SIDT2: variants seen among roughly 807,000 people sequenced by gnomAD.
The protein encoded by SIDT2 is SID1 transmembrane family, member 2.
A neutral mutation model predicts 114.4 loss-of-function variants in SIDT2; 68 were observed. That is an observed-to-expected ratio of 0.59 (90% CI 0.49 to 0.73). The LOEUF is 0.73. Among genes scored for constraint, SIDT2 ranks in the 30% least tolerant of loss-of-function variants. The pLI, the probability that SIDT2 is intolerant of heterozygous loss-of-function variation, is 0.00. For synonymous variants in SIDT2, 470 were observed against 438.4 expected, an observed-to-expected ratio of 1.07 and a Z score of -0.90; for missense variants, 918 against 1,097.1, an observed-to-expected ratio of 0.84 and a Z score of 2.31.
intron 8 of SIDT2, 121 bp downstream of exon 8, chr11:117,184,260 G>T: frequency 1.1e-6 from 1 of 950,326 alleles, no homozygotes; most frequent in South Asian, 1.5e-5. Context: ...GGTGGGGTAG[G>T]AACGGGGAGT....
At chr11:117,191,766 G>A in intron 18 of SIDT2, 112 bp from the exon 19 acceptor site, 1 of 1,464,764 alleles carries the variant, frequency 6.8e-7, no homozygotes, top group Non-Finnish European at 9.2e-7. Context: ...TCACACCATG[G>A]CCGTGGTGGG....
rs374449349 is a variant in SIDT2, at chr11:117,184,081, G to A, written c.810G>A (p.Pro270=). ...LPFYPFAEDE[P]VDQGHRQKTL... is the part of the protein sequence containing the mutation. ...TTGACATTTTACTTCCAGATGAACC[G>A]GTCGATCAAGGGCACCGCCAGAAAA... Residue 270 remains proline, a synonymous_variant, in exon 8 of 26, where the codon CCG becomes CCA. Coordinates refer to ENST00000324225, the MANE Select transcript of SIDT2 (RefSeq NM_001040455.2). 4.0e-5 allele frequency: 64 copies of A among 1,614,120 alleles called. No individual in the cohort carries two copies. Among genetic ancestry groups the A allele is most frequent in the African/African-American group, 2.8e-4 (21 of 75,028 alleles).
rs200609591 is a variant in SIDT2, at chr11:117,181,814, C to T, written c.313C>T (p.Arg105Cys). The stretch of plus-strand genomic sequence containing the variant: ...CCCTGCTTCGGGCCATAGGTTTCAG[C>T]GCAAGTACCTCTACCAAAAAGTGGA... Reference protein sequence around the residue: ...VPLILRGMFQRKYLYQKVERT... With the variant: ...VPLILRGMFQCKYLYQKVERT... The change falls in exon 3 of 26, where the codon CGC (arginine) becomes TGC (cysteine). Residue 105 changes from arginine (R) to cysteine (C), a missense_variant. Arg to Cys is a radical substitution (Grantham distance 180). Coordinates refer to ENST00000324225, the MANE Select transcript of SIDT2 (RefSeq NM_001040455.2). 16 of 1,614,136 alleles carry T rather than the reference C, an allele frequency of 9.9e-6. No homozygotes were observed. The highest frequency in any genetic ancestry group is 2.7e-5 in the African/African-American group (2 of 75,018).
rs1369318180 is a variant in SIDT2, at chr11:117,192,929, G to T, written c.2105+63G>T. 6.2e-5 allele frequency: 99 copies of T among 1,599,736 alleles called. No homozygotes were observed. The highest frequency in any genetic ancestry group is 8.3e-5 in the Non-Finnish European group (97 of 1,167,178). ...CAGCTGGGGACTCGGTCAGCCACTG[G>T]CTGCCTTGGGGGCTAAGGACAACTT... On this transcript the variant is annotated intron_variant, in intron 22 of 25. Coordinates refer to ENST00000324225, the MANE Select transcript of SIDT2 (RefSeq NM_001040455.2). The surrounding 1 kb of genome is among the most constrained non-coding windows in gnomAD (Gnocchi z 5.9).
At chr11:117,187,140 A>G in intron 10 of SIDT2, 1 of 1,232,804 alleles carries the variant, frequency 8.1e-7, no homozygotes, top group Non-Finnish European at 1.1e-6. Flanking sequence ...CTGTTCTTGA[A>G]CTTTCTCTCT....
At chr11:117,189,593 A>G in intron 15 of SIDT2, 192 bp downstream of exon 15, 1 of 639,186 alleles carries the variant, frequency 1.6e-6, no homozygotes, top group Non-Finnish European at 2.7e-6. Flanking sequence ...CTTCATCTGC[A>G]AAATGGGAGC....
In SIDT2 at chr11:117,192,992, T is replaced by A; in HGVS notation, c.2105+126T>A. On this transcript the variant is annotated intron_variant, in intron 22 of 25. Coordinates refer to ENST00000324225, the MANE Select transcript of SIDT2 (RefSeq NM_001040455.2). The surrounding 1 kb of genome is among the most constrained non-coding windows in gnomAD (Gnocchi z 5.9). The stretch of plus-strand genomic sequence containing the variant: ...CATAAGACATGGGGGCTAAGAGAGA[T>A]CTTGGCCTCTCTTCTCTCTCTTGGC... 7.3e-6 allele frequency: 10 copies of A among 1,362,238 alleles called. No homozygotes were observed. The highest frequency in any genetic ancestry group is 5.3e-6 in the Non-Finnish European group (5 of 951,436). The allele number at this position is 1,362,238 out of a possible 1,614,324, so 84.4% of individuals were successfully genotyped here.
At position 117,193,344 on chromosome 11, in the gene SIDT2, G is replaced by A. The variant is rs1009330464; in HGVS notation, c.2211+86G>A. 4 of 1,162,326 alleles carry A rather than the reference G, an allele frequency of 3.4e-6. No individual in the cohort carries two copies. The African/African-American group carries it at 4.6e-5, about 13-fold the overall frequency. The allele number at this position is 1,162,326 out of a possible 1,614,324, so 72.0% of individuals were successfully genotyped here. On this transcript the variant is annotated intron_variant, in intron 23 of 25. Coordinates refer to ENST00000324225, the MANE Select transcript of SIDT2 (RefSeq NM_001040455.2). ...GCCCGGCAGCATTGAGGGGCAGTGA[G>A]AAGTTTTCTGTCCCATCTTTGCTGG...
At chr11:117,194,446 G>C (rs1206826492) in intron 24 of SIDT2, among the ~76,000 whole-genome samples, 1 of 152,224 alleles carries the variant, frequency 6.6e-6, no homozygotes, top group Non-Finnish European at 1.5e-5. Context: ...GGCTCAGAGA[G>C]GCCAAGTGAC....
Position 117,195,787 on chromosome 11 carries a change from T to G in SIDT2, c.2323-15T>G. 6.2e-7 allele frequency: 1 copy of G among 1,613,900 alleles called. No individual in the cohort carries two copies. Among genetic ancestry groups the G allele is most frequent in the Non-Finnish European group, 8.5e-7 (1 of 1,179,800 alleles). The stretch of plus-strand genomic sequence containing the variant: ...GAGCAGGGTCATTCGGCAGTTTTTC[T>G]TGTTGCTCCCCAAGAAAACCCCTGC... On this transcript the variant is annotated splice_polypyrimidine_tract_variant and intron_variant, in intron 24 of 25. Coordinates refer to ENST00000324225, the MANE Select transcript of SIDT2 (RefSeq NM_001040455.2).
intron 18 of SIDT2, chr11:117,191,292 AGGG>A (rs1363488178): frequency 3.9e-5 from 6 of 152,338 alleles, no homozygotes; most frequent in African/African-American, 1.2e-4. Context: ...AAAAAAAAGA[AGGG>A]GGCCCTGGCT....
rs910656809 is a variant in SIDT2, at chr11:117,181,272, G to T, written c.184-144G>T. On this transcript the variant is annotated intron_variant, in intron 1 of 25. Transcript: ENST00000324225. ...GAGTCTGGGGGTTGTTCTGGCAGAA[G>T]AAGAGGCAGAGATGACTCCCTGGCC... The T allele has an allele frequency of 8.7e-6, 10 of 1,151,298 alleles. No individual in the cohort carries two copies. The African/African-American group carries it at 1.4e-4, about 16-fold the overall frequency. The allele number at this position is 1,151,298 out of a possible 1,614,324, so 71.3% of individuals were successfully genotyped here.
In SIDT2 at chr11:117,190,549, G is replaced by T; in HGVS notation, c.1618-74G>T. ...CTTTTCCTCTTCCACTCCTCTTAGGGTCCCTCTTTTGGGTCCCTTCTTCCC... is the reference window on the plus strand; with the variant it reads ...CTTTTCCTCTTCCACTCCTCTTAGGTTCCCTCTTTTGGGTCCCTTCTTCCC... On this transcript the variant is annotated intron_variant, in intron 17 of 25. Coordinates refer to ENST00000324225, the MANE Select transcript of SIDT2 (RefSeq NM_001040455.2). This position sits in a 1 kb window ranked among gnomAD's most constrained non-coding sequence, Gnocchi z 4.1. 7.7e-7 allele frequency: 1 copy of T among 1,304,814 alleles called. No homozygotes were observed. The highest frequency in any genetic ancestry group is 2.5e-5 in the East Asian group (1 of 39,582). The allele number at this position is 1,304,814 out of a possible 1,614,324, so 80.8% of individuals were successfully genotyped here. A position where few individuals can be genotyped will look rare whatever the true frequency, so the allele number is the denominator to read the frequency against.
chr11:117,192,104 G>A lies in SIDT2; in HGVS notation c.1872+90G>A. 6.3e-7 allele frequency: 1 copy of A among 1,583,908 alleles called. No individual in the cohort carries two copies. The highest frequency in any genetic ancestry group is 8.6e-7 in the Non-Finnish European group (1 of 1,160,536). On this transcript the variant is annotated intron_variant, in intron 19 of 25. Coordinates refer to ENST00000324225, the MANE Select transcript of SIDT2 (RefSeq NM_001040455.2). This position sits in a 1 kb window ranked among gnomAD's most constrained non-coding sequence, Gnocchi z 5.9. ...TAGTGCACACCCTCCGCCACCTCCT[G>A]CATGAGAGATTCCTGCTCCTTCCCT...
rs780502623 is a variant in SIDT2, at chr11:117,191,902, C to T, written c.1760C>T (p.Ala587Val). Residue 587 changes from alanine to valine, a missense_variant, in exon 19 of 26, where the codon GCC becomes GTC. Physicochemically the swap from Ala to Val is moderately conservative, Grantham distance 64. Around this residue, in one of 4 missense-constraint regions of SIDT2, gnomAD observed 275 missense variants for 397.6 expected, o/e 0.69. Coordinates refer to ENST00000324225, the MANE Select transcript of SIDT2 (RefSeq NM_001040455.2). ...GACACATCGTTCATGTACATGATCGCCGGACTCTGCATGCTGAAGCTCTAC... is the reference window on the plus strand; with the variant it reads ...GACACATCGTTCATGTACATGATCGTCGGACTCTGCATGCTGAAGCTCTAC... ...QFDTSFMYMIAGLCMLKLYQK... is the reference protein window; with the variant it reads ...QFDTSFMYMIVGLCMLKLYQK... The T allele has an allele frequency of 1.9e-6, 3 of 1,614,160 alleles. No individual in the cohort carries two copies. Among genetic ancestry groups the T allele is most frequent in the Non-Finnish European group, 2.5e-6 (3 of 1,180,026 alleles).
chr11:117,184,169 G>A (rs746185766), intron 8 of SIDT2, 30 bp downstream of exon 8: 4 of 1,602,736 alleles, frequency 2.5e-6, no homozygotes, highest in South Asian at 1.1e-5. Context: ...GAGAGGGGAT[G>A]GACAAGCCTC....
intron 1 of SIDT2, 106 bp downstream of exon 1, chr11:117,179,552 C>T: frequency 4.9e-6 from 6 of 1,215,406 alleles, no homozygotes; most frequent in Non-Finnish European, 6.8e-6. Flanking sequence ...AACGAGCTGT[C>T]CTGCTAGGTT....
At chr11:117,181,564 G>A (rs1486568723) in intron 2 of SIDT2, 27 bp downstream of exon 2, 10 of 1,613,608 alleles carry the variant, frequency 6.2e-6, no homozygotes, top group Non-Finnish European at 7.6e-6. Context: ...CATCAGGGAA[G>A]CGGGGCAGCC....
At chr11:117,191,845 T>G (rs769493117) in intron 18 of SIDT2, 33 bp from the exon 19 acceptor site, 1 of 1,607,828 alleles carries the variant, frequency 6.2e-7, no homozygotes, top group South Asian at 1.1e-5. Flanking sequence ...TGGTGGCCAT[T>G]TCTGCAGCTC....
Sources: gnomAD v4.1 joint callset for allele counts (sites outside exome capture counted in the v4.1 genomes callset) on GRCh38, gnomAD v4.1.1 for gene constraint, gnomAD v4.1.1 regional missense constraint, Gnocchi (gnomAD v3.1) non-coding constraint, MANE v1.5 for transcripts, NCBI Gene and HGNC (gene_info 2026-07-23, HGNC 2026-07-21) for gene names.